RIGI: variants seen among roughly 807,000 people sequenced by gnomAD.
RIGI encodes RNA sensor RIG-I.
the RIGI span, chr9:32,493,660 G>C: frequency 3.9e-6 from 3 of 771,986 alleles, no homozygotes; most frequent in Non-Finnish European, 5.9e-6. Flanking sequence ...TACTTTTGTG[G>C]GTTTCAATGA....
chr9:32,466,192 T>C, the RIGI span: 159,049 of 1,271,310 alleles, frequency 0.13, 10,903 homozygotes, highest in Middle Eastern at 0.22. Context: ...TGTTGTAATA[T>C]AACACTCTAA....
the RIGI span, among the ~76,000 whole-genome samples, chr9:32,510,985 G>C: frequency 2.0e-5 from 3 of 151,386 alleles, no homozygotes; most frequent in Admixed American, 1.3e-4. Context: ...GATCAAAAAA[G>C]AGAAAGAAGG....
the RIGI span, chr9:32,488,982 GCTGA>G: frequency 8.3e-6 from 8 of 959,076 alleles, no homozygotes; most frequent in South Asian, 2.2e-5. Context: ...ATACCACTGA[GCTGA>G]CTAATTAATT....
At chr9:32,504,415 C>A in the RIGI span, among the ~76,000 whole-genome samples, 2 of 152,070 alleles carry the variant, frequency 1.3e-5, no homozygotes, top group African/African-American at 4.8e-5. Flanking sequence ...CAGTGGCTCA[C>A]GCCTGTAATC....
chr9:32,468,017 T>TAA, the RIGI span: 1 of 1,264,938 alleles, frequency 7.9e-7, no homozygotes, highest in Non-Finnish European at 1.1e-6. Context: ...ATGGAATGCT[T>TAA]ATTATATGCC....
At chr9:32,494,630 G>A in the RIGI span, among the ~76,000 whole-genome samples, 1 of 150,654 alleles carries the variant, frequency 6.6e-6, no homozygotes, top group African/African-American at 2.5e-5. Flanking sequence ...AAAAAATCCA[G>A]ACCTTTTTCA....
At chr9:32,502,684 G>C in the RIGI span, among the ~76,000 whole-genome samples, 1 of 152,176 alleles carries the variant, frequency 6.6e-6, no homozygotes, top group Non-Finnish European at 1.5e-5. Context: ...TGAAGGCTCT[G>C]GGGAGAATGC....
the RIGI span, among the ~76,000 whole-genome samples, chr9:32,501,654 T>C: frequency 6.6e-6 from 1 of 152,198 alleles, no homozygotes; most frequent in African/African-American, 2.4e-5. Flanking sequence ...GCTACCATGG[T>C]ATGACCTGAT....
chr9:32,474,839 T>C, the RIGI span, among the ~76,000 whole-genome samples: 1 of 152,328 alleles, frequency 6.6e-6, no homozygotes, highest in Admixed American at 6.5e-5. Flanking sequence ...CTCAGCATTA[T>C]ATAACTAATA....
At chr9:32,459,364 A>G in the RIGI span, 1 of 1,611,778 alleles carries the variant, frequency 6.2e-7, no homozygotes, top group East Asian at 2.2e-5. Context: ...GTAAAAAGGC[A>G]GCTTACCTCT....
the RIGI span, among the ~76,000 whole-genome samples, chr9:32,484,517 TG>T: frequency 2.0e-5 from 3 of 152,084 alleles, no homozygotes; most frequent in Non-Finnish European, 4.4e-5. Context: ...GCCAGATGCC[TG>T]GGGGGAAATC....
the RIGI span, among the ~76,000 whole-genome samples, chr9:32,497,116 T>C: frequency 6.6e-6 from 1 of 152,236 alleles, no homozygotes; most frequent in Non-Finnish European, 1.5e-5. Context: ...AGGGATTGCA[T>C]TGAATCTGCA....
the RIGI span, chr9:32,466,450 A>C: frequency 1.9e-6 from 3 of 1,589,212 alleles, no homozygotes; most frequent in Non-Finnish European, 2.6e-6. Context: ...GCCTATTAGA[A>C]AATAAATATT....
the RIGI span, chr9:32,488,770 T>C: frequency 6.2e-7 from 1 of 1,611,650 alleles, no homozygotes. Context: ...TACAGATTTC[T>C]GCTGTTCATA....
the RIGI span, among the ~76,000 whole-genome samples, chr9:32,513,518 T>G: frequency 6.6e-6 from 1 of 152,178 alleles, no homozygotes; most frequent in African/African-American, 2.4e-5. Flanking sequence ...GAAAACTGAC[T>G]AGCCATATAC....
chr9:32,456,002 T>C, the RIGI span: 6 of 152,204 alleles, frequency 3.9e-5, no homozygotes. Context: ...GATACTTGTT[T>C]CCACGTCCAG....
the RIGI span, among the ~76,000 whole-genome samples, chr9:32,525,619 C>A: frequency 6.6e-6 from 1 of 152,200 alleles, no homozygotes; most frequent in Non-Finnish European, 1.5e-5. Flanking sequence ...GAGTAAGCAT[C>A]AACTTCCTTT....
the RIGI span, among the ~76,000 whole-genome samples, chr9:32,524,698 G>A: frequency 7.0e-6 from 1 of 142,454 alleles, no homozygotes; most frequent in African/African-American, 2.6e-5. Context: ...TGCCTCCCTG[G>A]TTCAAGCGAT....
the RIGI span, among the ~76,000 whole-genome samples, chr9:32,514,273 C>T: frequency 6.6e-6 from 1 of 152,132 alleles, no homozygotes; most frequent in Non-Finnish European, 1.5e-5. Context: ...GACACATGCA[C>T]ATGTATGTGT....
Sources: gnomAD v4.1 joint callset for allele counts (sites outside exome capture counted in the v4.1 genomes callset) on GRCh38, gnomAD v4.1.1 for gene constraint, MANE v1.5 for transcripts, NCBI Gene and HGNC (gene_info 2026-07-23, HGNC 2026-07-21) for gene names.